The following POLE variants were observed in gnomAD, a reference collection of about 807,000 sequenced individuals.
POLE encodes the protein DNA polymerase epsilon, catalytic subunit, also known as DNA polymerase epsilon catalytic subunit A.
In POLE, 188 loss-of-function variants were observed where a neutral mutation model predicts 279.2. The ratio of observed to expected loss-of-function variants is 0.67; its 90% CI spans 0.60 to 0.76. POLE has a LOEUF of 0.76. POLE is among the 30% of genes least tolerant of loss of function. The pLI is 0.00. For synonymous variants in POLE, 1,214 were observed against 1,172.5 expected (o/e 1.04, Z -0.72); for missense variants, 2,703 against 3,016.7 (o/e 0.90, Z 2.44).
Position 132,643,964 on chromosome 12 carries a change from A to T in POLE, c.4163T>A (p.Leu1388His), listed in dbSNP as rs2138562142. 1 of 1,613,558 alleles carries T rather than the reference A, an allele frequency of 6.2e-7. No individual in the cohort carries two copies. The highest frequency in any genetic ancestry group is 8.5e-7 in the Non-Finnish European group (1 of 1,179,552). ...GASYRKVNRV[L>H]PRSNMVYNLY... is the part of the protein sequence containing the mutation. ...ATTGTAGACCATGTTGGAGCGAGGA[A>T]GGACCCGATTTACCTGGCGAGAATA... The change falls in exon 33 of 49, where the codon CTT (leucine) becomes CAT (histidine). Residue 1388 changes from leucine (L) to histidine (H), a missense_variant. Physicochemically the swap from Leu to His is moderately conservative, Grantham distance 99 (BLOSUM62 -3). Transcript: ENST00000320574.
At position 132,661,389 on chromosome 12, in the gene POLE, G is replaced by T; in HGVS notation, c.2864+138C>A. 9.5e-7 allele frequency: 1 copy of T among 1,051,242 alleles called. No individual in the cohort carries two copies. 65.1% of individuals were successfully genotyped at this position (1,051,242 alleles called of 1,614,324 possible). Reference sequence around the variant, plus strand: ...TACAGCAGGCGGGCAGACAGAGCTGGTGCAAACGGAATCAGTAAGATCACA... The same window carrying T: ...TACAGCAGGCGGGCAGACAGAGCTGTTGCAAACGGAATCAGTAAGATCACA... On this transcript the variant is annotated intron_variant, in intron 24 of 48. Coordinates refer to ENST00000320574, the MANE Select transcript of POLE (RefSeq NM_006231.4). This position sits in a 1 kb window ranked among gnomAD's most constrained non-coding sequence, Gnocchi z 4.1.
At chr12:132,670,794 C>T (rs935018148) in intron 16 of POLE, among the ~76,000 whole-genome samples, 2 of 152,070 alleles carry the variant, frequency 1.3e-5, no homozygotes, top group African/African-American at 4.8e-5. Context: ...CGGCCATGGC[C>T]GACATTCTTT....
Position 132,631,470 on chromosome 12 carries a change from T to G in POLE, c.6330+845A>C, listed in dbSNP as rs5745042. Reference sequence around the variant, plus strand: ...AATATGTAAAAGTCAATAAAGGAATTAAAATGGTGAGCTAAAAACACTTCT... The same window carrying G: ...AATATGTAAAAGTCAATAAAGGAATGAAAATGGTGAGCTAAAAACACTTCT... On this transcript the variant is annotated intron_variant, in intron 45 of 48. Coordinates refer to ENST00000320574, the MANE Select transcript of POLE (RefSeq NM_006231.4). 3.7e-3 allele frequency among the ~76,000 whole-genome samples: 570 copies of G among 152,202 alleles called. 6 individuals carry two copies. The highest frequency in any genetic ancestry group is 0.013 in the African/African-American group (552 of 41,508).
chr12:132,648,313 T>C (rs111457784), intron 32 of POLE, among the ~76,000 whole-genome samples: 1 of 150,970 alleles, frequency 6.6e-6, no homozygotes, highest in Non-Finnish European at 1.5e-5. Context: ...AGGTTTCTTT[T>C]TGGAGTGATG....
rs2135973587 is a variant in POLE, at chr12:132,668,261, G to C, written c.2173+95C>G. The C allele has an allele frequency of 7.0e-7, 1 of 1,435,672 alleles. No individual in the cohort carries two copies. The highest frequency in any genetic ancestry group is 1.5e-5 in the South Asian group (1 of 66,646). 88.9% of individuals were successfully genotyped at this position (1,435,672 alleles called of 1,614,324 possible). ...TGGTCTGCTGTGACAACACCTCTGG[G>C]GCCCCAGCTGGGATGGACCAACGCA... On this transcript the variant is annotated intron_variant, in intron 19 of 48. Transcript: ENST00000320574. The surrounding 1 kb of genome is among the most constrained non-coding windows in gnomAD (Gnocchi z 4.0).
rs558837073 is a variant in POLE at position 132,657,129 on chromosome 12, C to T, written c.3582+7G>A. 8 of 1,613,886 alleles carry T rather than the reference C, an allele frequency of 5.0e-6. No individual in the cohort carries two copies. The Admixed American group carries it at 8.3e-5, about 17-fold the overall frequency. On this transcript the variant is annotated splice_region_variant and intron_variant, in intron 29 of 48. Transcript: ENST00000320574. ...CGCCCAGCCCAGCCTTGGGGCCCCA[C>T]CGTCACCTGTCTCCTGCCCTCCAGG...
In POLE at chr12:132,664,500, T is replaced by C; in HGVS notation, c.2469-38A>G. ...CACAAACTGGTGGGTGGGGCTGGCA[T>C]GGCTCCTCCAGGGGGTATCAGAGGC... On this transcript the variant is annotated intron_variant, in intron 21 of 48. Transcript: ENST00000320574. This position sits in a 1 kb window ranked among gnomAD's most constrained non-coding sequence, Gnocchi z 5.3. 1 of 1,508,290 alleles carries C rather than the reference T, an allele frequency of 6.6e-7. No homozygotes were observed. Among genetic ancestry groups the C allele is most frequent in the Non-Finnish European group, 9.2e-7 (1 of 1,084,870 alleles). The allele number at this position is 1,508,290 out of a possible 1,614,324, so 93.4% of individuals were successfully genotyped here. A position where few individuals can be genotyped will look rare whatever the true frequency, so the allele number is the denominator to read the frequency against.
rs1163983567 is a variant in POLE, at chr12:132,641,697, G to A, written c.5328C>T (p.Ala1776=). The A allele has an allele frequency of 6.2e-7, 1 of 1,613,826 alleles. No homozygotes were observed. Among genetic ancestry groups the A allele is most frequent in the Admixed American group, 1.7e-5 (1 of 60,022 alleles). The change falls in exon 39 of 49, where the codon GCC becomes GCT. Residue 1776 remains alanine, a synonymous_variant. Transcript: ENST00000320574. ...LEDMITGGQA[A]SAPASYDETA... ...TCTCATCGTAGCTGGCCGGGGCACT[G>A]GCAGCCTGACCACCCGTGATCATGT...
In POLE at chr12:132,661,292, C is replaced by T; in HGVS notation, c.2865-128G>A. On this transcript the variant is annotated intron_variant, in intron 24 of 48. Transcript: ENST00000320574. The surrounding 1 kb of genome is among the most constrained non-coding windows in gnomAD (Gnocchi z 4.1). ...CACCTGTCATCCACGAGGCAGCAAA[C>T]GTCTCTCTCCCTTAGGCCACTGCTT... The T allele has an allele frequency of 3.0e-6, 3 of 1,004,180 alleles. No homozygotes were observed. The highest frequency in any genetic ancestry group is 4.4e-6 in the Non-Finnish European group (3 of 683,398). 62.2% of individuals were successfully genotyped at this position (1,004,180 alleles called of 1,614,324 possible). A position where few individuals can be genotyped will look rare whatever the true frequency, so the allele number is the denominator to read the frequency against.
intron 14 of POLE, 79 bp downstream of exon 14, chr12:132,673,085 C>A (rs997032447): frequency 7.1e-6 from 7 of 979,920 alleles, no homozygotes; most frequent in South Asian, 1.3e-5. Context: ...GGGACATCCA[C>A]CTCCATTCAG....
chr12:132,633,092 C>A, intron 43 of POLE: 1 of 236,706 alleles, frequency 4.2e-6, no homozygotes. Context: ...CCAACACAAG[C>A]AAAGGCAGGG....
At chr12:132,642,063 GACCTGCGCGGTCGAACT>G in intron 38 of POLE, 97 bp downstream of exon 38, 1 of 1,059,928 alleles carries the variant, frequency 9.4e-7, no homozygotes, top group Non-Finnish European at 1.4e-6. Context: ...CCTCAGCTCT[GACCTGCGCGGTCGAACT>G]CTGAGCCCAT....
intron 32 of POLE, 146 bp downstream of exon 32, chr12:132,648,783 C>A (rs2042344826): frequency 1.2e-6 from 1 of 849,612 alleles, no homozygotes; most frequent in South Asian, 1.8e-5. Flanking sequence ...GCTCGGTGCT[C>A]AGCGCTCACA....
chr12:132,635,385 A>G (rs1593714236), intron 42 of POLE, among the ~76,000 whole-genome samples: 1 of 152,170 alleles, frequency 6.6e-6, no homozygotes, highest in East Asian at 1.9e-4. Flanking sequence ...AACCGGCTTT[A>G]CCTGCCTGTG....
rs553449363 is a variant in POLE at position 132,650,960 on chromosome 12, C to T, written c.3583-1071G>A. 2.0e-5 allele frequency: 3 copies of T among 148,918 alleles called. No homozygotes were observed. In the East Asian group the frequency reaches 6.0e-4, roughly 30 times the overall value. The allele number at this position is 148,918 out of a possible 1,614,324, so 9.2% of individuals were successfully genotyped here. ...GCACGATCTCATCTCACTGCAACCT[C>T]GCCTCCTGGGTTCAAGCAATTCTGC... On this transcript the variant is annotated intron_variant, in intron 29 of 48. Transcript: ENST00000320574.
At chr12:132,632,233 G>A in intron 45 of POLE, 82 bp downstream of exon 45, 1 of 1,110,988 alleles carries the variant, frequency 9.0e-7, no homozygotes. Context: ...ACGCATTACA[G>A]CCTCACCTTG....
chr12:132,625,410 C>G (rs753257502), intron 47 of POLE: 56 of 754,574 alleles, frequency 7.4e-5, no homozygotes, highest in Non-Finnish European at 1.2e-4. Context: ...GGAGTGTCTG[C>G]CTCCTTCCGC....
In POLE at chr12:132,643,994, G is replaced by A. The variant is rs758539843; in HGVS notation, c.4150-17C>T. ...CCGATTTACCTGGCGAGAATACGAC[G>A]ATGATCTCGTCACTGGGCGTAAGTG... is the stretch of plus-strand genomic sequence containing the variant. On this transcript the variant is annotated splice_polypyrimidine_tract_variant and intron_variant, in intron 32 of 48. Coordinates refer to ENST00000320574, the MANE Select transcript of POLE (RefSeq NM_006231.4). The A allele has an allele frequency of 5.3e-5, 86 of 1,608,546 alleles. No homozygotes were observed. Among genetic ancestry groups the A allele is most frequent in the African/African-American group, 1.5e-4 (11 of 74,834 alleles).
At chr12:132,656,450 C>G (rs1389506391) in intron 29 of POLE, among the ~76,000 whole-genome samples, 1 of 152,156 alleles carries the variant, frequency 6.6e-6, no homozygotes, top group East Asian at 1.9e-4. Flanking sequence ...GCTCCGCCTC[C>G]CGGGTTCACG....
Sources: allele counts gnomAD v4.1 joint callset (sites outside exome capture counted in the v4.1 genomes callset), GRCh38; gene constraint gnomAD v4.1.1; non-coding constraint Gnocchi (gnomAD v3.1); transcripts MANE v1.5; gene names NCBI Gene and HGNC (gene_info 2026-07-23, HGNC 2026-07-21).